The following CALN1 variants were observed in gnomAD, a reference collection of about 807,000 sequenced individuals.
The protein encoded by CALN1 is calcium-binding protein 8.
CALN1 carries 17 observed loss-of-function variants against 30.6 expected under a neutral mutation model. That is an observed-to-expected ratio of 0.56 (90% CI 0.38 to 0.83). CALN1 has a LOEUF of 0.83. Ranked by LOEUF, CALN1 falls within the 40% of genes least tolerant of loss-of-function variation. The probability of loss-of-function intolerance (pLI) is 0.00; values close to 1 mark genes in which losing one functional copy is unlikely to be tolerated. For synonymous variants in CALN1, 156 were observed against 131.4 expected (o/e 1.19, Z -1.28); for missense variants, 291 against 354.9 (o/e 0.82, Z 1.45).
intron 3 of CALN1, among the ~76,000 whole-genome samples, chr7:72,172,417 T>G (rs1303763889): frequency 6.6e-6 from 1 of 152,212 alleles, no homozygotes; most frequent in Admixed American, 6.5e-5. Context: ...CAGTCTTGCA[T>G]AGCCCTGGTG....
intron 3 of CALN1, among the ~76,000 whole-genome samples, chr7:72,261,036 G>A (rs1322377496): frequency 3.3e-5 from 5 of 152,148 alleles, no homozygotes; most frequent in Non-Finnish European, 7.3e-5. Flanking sequence ...GGCTGGGCAC[G>A]GTGGCTCTCG....
At position 71,921,897 on chromosome 7, in the gene CALN1, A is replaced by C. The variant is rs76408015; in HGVS notation, c.501+101760T>G. ...ACTCAACTCATCCATTATTTTCTTCAAAAAGTTGTCCTTGACTCCCCAGGT... is the reference window on the plus strand; with the variant it reads ...ACTCAACTCATCCATTATTTTCTTCCAAAAGTTGTCCTTGACTCCCCAGGT... On this transcript the variant is annotated intron_variant, in intron 5 of 6. Transcript: ENST00000395275. Among the ~76,000 whole-genome samples, 8 of 126,218 alleles carry C rather than the reference A, an allele frequency of 6.3e-5. No homozygotes were observed. In the South Asian group the frequency reaches 2.0e-3, roughly 31 times the overall value. 82.8% of individuals were successfully genotyped at this position (126,218 alleles called of 152,430 possible).
chr7:72,333,690 A>AG lies in CALN1; in HGVS notation c.120-54881dup, dbSNP rs371240735. 7.5e-5 allele frequency among the ~76,000 whole-genome samples: 9 copies of AG among 119,236 alleles called. No individual in the cohort carries two copies. In the East Asian group the frequency reaches 1.1e-3, roughly 15 times the overall value. 78.2% of individuals were successfully genotyped at this position (119,236 alleles called of 152,430 possible). On this transcript the variant is annotated intron_variant, in intron 2 of 6. Coordinates refer to ENST00000395275, the MANE Select transcript of CALN1 (RefSeq NM_031468.4). ...ACATGGGTACAGAAAGGGAATATGC[A>AG]GAAAAAAAAAAAAAAAAAGCTTACC...
intron 5 of CALN1, among the ~76,000 whole-genome samples, chr7:71,812,361 G>A (rs1200332745): frequency 6.6e-6 from 1 of 152,170 alleles, no homozygotes; most frequent in Non-Finnish European, 1.5e-5. Context: ...TGGTTCCGGA[G>A]CCAGGCAGTG....
At chr7:71,824,931 C>G (rs1159598969) in intron 5 of CALN1, among the ~76,000 whole-genome samples, 2 of 152,086 alleles carry the variant, frequency 1.3e-5, no homozygotes. Flanking sequence ...GTGATCTCAC[C>G]CATTTATCTT....
At chr7:71,829,269 G>C (rs369240306) in intron 5 of CALN1, among the ~76,000 whole-genome samples, 2 of 152,214 alleles carry the variant, frequency 1.3e-5, no homozygotes, top group East Asian at 3.9e-4. Flanking sequence ...CACTAAAGAG[G>C]AAAAGGCCCT....
chr7:71,792,356 A>G (rs1272939063), intron 6 of CALN1, among the ~76,000 whole-genome samples: 2 of 152,016 alleles, frequency 1.3e-5, no homozygotes, highest in African/African-American at 4.8e-5. Flanking sequence ...TTATTTCGCC[A>G]TGGTCTCTTA....
intron 5 of CALN1, among the ~76,000 whole-genome samples, chr7:71,903,385 C>A (rs1793965931): frequency 6.6e-6 from 1 of 152,052 alleles, no homozygotes; most frequent in Admixed American, 6.5e-5. Flanking sequence ...ATAAAAAGCC[C>A]AGAAATAAAT....
Position 71,784,546 on chromosome 7 carries a change from C to T in CALN1, c.*3229G>A, listed in dbSNP as rs141078404. On this transcript the variant is annotated 3_prime_UTR_variant, in exon 7 of 7. Coordinates refer to ENST00000395275, the MANE Select transcript of CALN1 (RefSeq NM_031468.4). ...TTTGTGGGTATCTGGAAAGGTGGGG[C>T]GCAGCTTCTTTGGGGATCAAGGGGG... The T allele has an allele frequency of 4.2e-5, 14 of 333,310 alleles. No homozygotes were observed. Among genetic ancestry groups the T allele is most frequent in the East Asian group, 3.2e-4 (7 of 22,080 alleles). 20.6% of individuals were successfully genotyped at this position (333,310 alleles called of 1,614,324 possible).
chr7:72,464,031 A>G, the CALN1 span, among the ~76,000 whole-genome samples: 1 of 151,362 alleles, frequency 6.6e-6, no homozygotes, highest in Non-Finnish European at 1.5e-5. Context: ...GAGACAGAGA[A>G]AGAAGGAAAA....
intron 2 of CALN1, among the ~76,000 whole-genome samples, chr7:72,358,125 G>A (rs949711486): frequency 3.3e-5 from 5 of 151,688 alleles, no homozygotes; most frequent in East Asian, 1.9e-4. Context: ...CCAAAGTGCC[G>A]GGGTTATAGG....
rs147633670 is a variant in CALN1 at position 71,957,784 on chromosome 7, G to A, written c.501+65873C>T. ...TCGCACTAAGAAAGTGCAGGTTTCTGCTGGGCATGGTGGCTCACACTTCTA... is the reference window on the plus strand; with the variant it reads ...TCGCACTAAGAAAGTGCAGGTTTCTACTGGGCATGGTGGCTCACACTTCTA... On this transcript the variant is annotated intron_variant, in intron 5 of 6. Transcript: ENST00000395275. 2.2e-3 allele frequency among the ~76,000 whole-genome samples: 342 copies of A among 152,252 alleles called. 2 individuals carry two copies. Among genetic ancestry groups the A allele is most frequent in the Non-Finnish European group, 3.7e-3 (255 of 68,026 alleles).
intron 2 of CALN1, among the ~76,000 whole-genome samples, chr7:72,293,270 G>A (rs1585386841): frequency 6.6e-6 from 1 of 152,166 alleles, no homozygotes; most frequent in Non-Finnish European, 1.5e-5. Context: ...TAGGGAGAGG[G>A]TGGTACTATC....
At chr7:71,926,969 C>T (rs372708384) in intron 5 of CALN1, among the ~76,000 whole-genome samples, 3 of 152,284 alleles carry the variant, frequency 2.0e-5, no homozygotes, top group South Asian at 4.1e-4. Flanking sequence ...ACGTCTTTGT[C>T]ATCTTTGAGT....
intron 5 of CALN1, among the ~76,000 whole-genome samples, chr7:72,017,792 A>T (rs1800483978): frequency 6.6e-6 from 1 of 152,190 alleles, no homozygotes; most frequent in Non-Finnish European, 1.5e-5. Flanking sequence ...GAATAAGATT[A>T]AAAATGTGAG....
upstream of CALN1, among the ~76,000 whole-genome samples, chr7:72,451,046 C>T (rs927953948): frequency 6.6e-6 from 1 of 151,602 alleles, no homozygotes; most frequent in African/African-American, 2.4e-5. Flanking sequence ...CCCCAGCTTT[C>T]TCCACAGTTC....
At chr7:71,847,847 G>GAGAAGAAGA (rs66530230) in intron 5 of CALN1, among the ~76,000 whole-genome samples, 3,374 of 134,852 alleles carry the variant, frequency 0.025, 199 homozygotes, top group African/African-American at 0.09. Context: ...GAAGGAGAAG[G>GAGAAGAAGA]AGAAGAAGAA....
chr7:72,187,848 T>C (rs2129546591), intron 3 of CALN1, among the ~76,000 whole-genome samples: 2 of 152,346 alleles, frequency 1.3e-5, no homozygotes, highest in South Asian at 4.1e-4. Flanking sequence ...TCATCCTGTA[T>C]CTGTATGGGA....
At chr7:71,791,942 C>A (rs1198483963) in intron 6 of CALN1, among the ~76,000 whole-genome samples, 2 of 151,776 alleles carry the variant, frequency 1.3e-5, no homozygotes, top group Non-Finnish European at 2.9e-5. Context: ...ACCCGGGAGG[C>A]AGAGCTTGCA....
Sources: gnomAD v4.1 joint callset for allele counts (sites outside exome capture counted in the v4.1 genomes callset) on GRCh38, gnomAD v4.1.1 for gene constraint, MANE v1.5 for transcripts, NCBI Gene and HGNC (gene_info 2026-07-23, HGNC 2026-07-21) for gene names.